The following RAD51B variants were observed in gnomAD, a reference collection of about 807,000 sequenced individuals.
RAD51B encodes DNA repair protein RAD51 homolog 2.
RAD51B carries 38 observed loss-of-function variants against 42.2 expected under a neutral mutation model. The observed-to-expected ratio is 0.90, with a 90% CI of 0.70 to 1.18. The LOEUF (loss-of-function observed/expected upper bound fraction) is 1.18. Among genes scored for constraint, RAD51B ranks in the 50% most tolerant of loss-of-function variants. The probability of loss-of-function intolerance (pLI) is 0.00; values close to 1 mark genes in which losing one functional copy is unlikely to be tolerated. For synonymous variants in RAD51B, 154 were observed against 145.2 expected (o/e 1.06, Z -0.43); for missense variants, 373 against 400.7 (o/e 0.93, Z 0.59).
At chr14:67,988,571 G>A (rs2075235876) in intron 7 of RAD51B, among the ~76,000 whole-genome samples, 1 of 152,158 alleles carries the variant, frequency 6.6e-6, no homozygotes, top group African/African-American at 2.4e-5. Flanking sequence ...GATGCACTAA[G>A]TTTTTCACAG....
At chr14:68,331,354 C>G (rs945197042) in intron 8 of RAD51B, among the ~76,000 whole-genome samples, 2 of 26,264 alleles carry the variant, frequency 7.6e-5, no homozygotes, top group African/African-American at 1.7e-4. Flanking sequence ...GGCTACAGAA[C>G]GAGACTCTGT....
chr14:68,235,643 G>GCA (rs1179572329), intron 7 of RAD51B, among the ~76,000 whole-genome samples: 2 of 138,464 alleles, frequency 1.4e-5, no homozygotes, highest in Non-Finnish European at 3.1e-5. Flanking sequence ...GGCGGAGCTT[G>GCA]CAGTGAGCCG....
rs527855472 is a variant in RAD51B, at chr14:68,001,392, G to C, written c.756+114188G>C. Among the ~76,000 whole-genome samples, 352 of 151,974 alleles carry C rather than the reference G, an allele frequency of 2.3e-3. 1 individual carries two copies. Among genetic ancestry groups the C allele is most frequent in the African/African-American group, 8.2e-3 (341 of 41,466 alleles). ...AAAGTTTATTTTTCTTGCTATATTG[G>C]TGGAAGCTTTTTTCTTAAGTGATGA... On this transcript the variant is annotated intron_variant, in intron 7 of 10. Coordinates refer to ENST00000471583, the MANE Select transcript of RAD51B (RefSeq NM_133510.4).
chr14:68,156,049 C>G (rs1282256956), intron 7 of RAD51B, among the ~76,000 whole-genome samples: 1 of 152,192 alleles, frequency 6.6e-6, no homozygotes, highest in Admixed American at 6.5e-5. Context: ...AAGAGGGGCT[C>G]AGACTGTTGA....
intron 7 of RAD51B, among the ~76,000 whole-genome samples, chr14:68,190,871 C>A (rs2079251915): frequency 6.6e-6 from 1 of 152,074 alleles, no homozygotes; most frequent in South Asian, 2.1e-4. Context: ...TAAATAATGT[C>A]TAATGAATTT....
intron 7 of RAD51B, among the ~76,000 whole-genome samples, chr14:67,954,034 A>G (rs763162826): frequency 6.6e-6 from 1 of 152,184 alleles, no homozygotes; most frequent in Non-Finnish European, 1.5e-5. Context: ...ACAGCATATT[A>G]TTAGGAAGTC....
chr14:68,384,576 G>T (rs2083551622), intron 8 of RAD51B, among the ~76,000 whole-genome samples: 1 of 152,170 alleles, frequency 6.6e-6, no homozygotes, highest in African/African-American at 2.4e-5. Context: ...ACATCCTCTG[G>T]TAGCAGCGCC....
intron 9 of RAD51B, among the ~76,000 whole-genome samples, chr14:68,463,118 T>C (rs534858659): frequency 1.3e-5 from 2 of 152,268 alleles, no homozygotes; most frequent in African/African-American, 2.4e-5. Flanking sequence ...TCCCCAGATT[T>C]ATGGGATGGA....
At chr14:68,515,753 TTTC>T (rs1285498181) in intron 10 of RAD51B, among the ~76,000 whole-genome samples, 1 of 107,114 alleles carries the variant, frequency 9.3e-6, no homozygotes, top group Non-Finnish European at 2.5e-5. Context: ...AACCAATTTC[TTTC>T]TTTCTTTCTT....
At chr14:68,599,152 A>G (rs1595014083), downstream of RAD51B, among the ~76,000 whole-genome samples, 1 of 151,614 alleles carries the variant, frequency 6.6e-6, no homozygotes, top group South Asian at 2.1e-4. Context: ...CTATTCCCAC[A>G]CTCTTTGAAC....
intron 10 of RAD51B, among the ~76,000 whole-genome samples, chr14:68,532,274 A>T (rs1185882498): frequency 2.0e-5 from 3 of 152,188 alleles, no homozygotes; most frequent in Non-Finnish European, 2.9e-5. Flanking sequence ...CAACAACAAA[A>T]GAATGAACAA....
intron 7 of RAD51B, among the ~76,000 whole-genome samples, chr14:67,891,601 A>G (rs1351417509): frequency 6.6e-6 from 1 of 151,428 alleles, no homozygotes; most frequent in Admixed American, 6.6e-5. Context: ...ACAAGCACAA[A>G]TTTTTTTTTC....
chr14:68,490,924 C>T (rs967193419), intron 10 of RAD51B, among the ~76,000 whole-genome samples: 3 of 152,132 alleles, frequency 2.0e-5, no homozygotes, highest in African/African-American at 7.2e-5. Context: ...CTCAGAGGGG[C>T]CTTACACTGT....
intron 8 of RAD51B, among the ~76,000 whole-genome samples, chr14:68,400,473 T>C (rs115882934): frequency 0.011 from 1,676 of 152,298 alleles, 33 homozygotes; most frequent in African/African-American, 0.037. Flanking sequence ...CAGTGCCATC[T>C]GAAACAAACA....
At chr14:68,656,149 G>A (rs138933711) in intron 11 of RAD51B, among the ~76,000 whole-genome samples, 54 of 152,256 alleles carry the variant, frequency 3.5e-4, no homozygotes, top group Non-Finnish European at 6.2e-4. Context: ...CAAGGGGCTC[G>A]GGCTGGGCAA....
intron 7 of RAD51B, among the ~76,000 whole-genome samples, chr14:68,080,689 A>G (rs1395466739): frequency 6.6e-6 from 1 of 152,216 alleles, no homozygotes; most frequent in Non-Finnish European, 1.5e-5. Context: ...GCAGGGGTCT[A>G]TTCAGGAGCA....
At chr14:68,181,751 G>A (rs2079064222) in intron 7 of RAD51B, among the ~76,000 whole-genome samples, 1 of 152,184 alleles carries the variant, frequency 6.6e-6, no homozygotes, top group Non-Finnish European at 1.5e-5. Flanking sequence ...AGAAGCTGGA[G>A]AGGGTGCCTC....
At chr14:68,039,426 CAAA>C (rs754840073) in intron 7 of RAD51B, among the ~76,000 whole-genome samples, 5 of 63,824 alleles carry the variant, frequency 7.8e-5, no homozygotes, top group African/African-American at 1.9e-4. Context: ...GACTTCATTC[CAAA>C]AAAAAAAAAA....
At chr14:68,366,695 C>G (rs1170982432) in intron 8 of RAD51B, among the ~76,000 whole-genome samples, 1 of 152,180 alleles carries the variant, frequency 6.6e-6, no homozygotes, top group Non-Finnish European at 1.5e-5. Flanking sequence ...GCAGGGGTGG[C>G]TTTGGGAACT....
Sources: allele counts gnomAD v4.1 joint callset (sites outside exome capture counted in the v4.1 genomes callset), GRCh38; gene constraint gnomAD v4.1.1; transcripts MANE v1.5; gene names NCBI Gene and HGNC (gene_info 2026-07-23, HGNC 2026-07-21).